ASPRV1: variants seen among roughly 807,000 people sequenced by gnomAD.
ASPRV1 encodes retroviral-like aspartic protease 1.
A neutral mutation model predicts 11.0 loss-of-function variants in ASPRV1; 7 were observed. The observed-to-expected ratio is 0.64, with a 90% confidence interval of 0.36 to 1.20. The LOEUF is 1.20. Ranked by LOEUF, ASPRV1 falls within the 50% of genes most tolerant of loss-of-function variation. The probability of loss-of-function intolerance (pLI) is 0.02; values close to 1 mark genes in which losing one functional copy is unlikely to be tolerated. For missense variants in ASPRV1, 299 were observed against 320.0 expected, an observed-to-expected ratio of 0.93 and a Z score of 0.50; for synonymous variants, 136 against 138.4, an observed-to-expected ratio of 0.98 and a Z score of 0.12.
the ASPRV1 span, among the ~76,000 whole-genome samples, chr2:70,027,877 G>A: frequency 6.6e-6 from 1 of 152,158 alleles, no homozygotes; most frequent in South Asian, 2.1e-4. Context: ...TTGAGGTGAT[G>A]GATATGCTAA....
chr2:70,050,151 G>C, the ASPRV1 span: 1 of 152,104 alleles, frequency 6.6e-6, no homozygotes, highest in Non-Finnish European at 1.5e-5. Flanking sequence ...ATGGTGGCGA[G>C]TGCCTGTAGT....
the ASPRV1 span, among the ~76,000 whole-genome samples, chr2:70,008,413 A>C: frequency 3.9e-5 from 6 of 152,056 alleles, no homozygotes; most frequent in Non-Finnish European, 8.8e-5. Flanking sequence ...ATTCTCCAGA[A>C]TATTCAGAAG....
chr2:69,989,882 T>C, the ASPRV1 span, among the ~76,000 whole-genome samples: 1 of 152,264 alleles, frequency 6.6e-6, no homozygotes, highest in South Asian at 2.1e-4. Context: ...CAGGGTTCAG[T>C]AACTGCATGT....
chr2:70,044,129 T>A, the ASPRV1 span, among the ~76,000 whole-genome samples: 3 of 152,178 alleles, frequency 2.0e-5, no homozygotes, highest in South Asian at 4.1e-4. Flanking sequence ...CATTCATACT[T>A]CCAGTTAACA....
chr2:69,991,243 C>T, the ASPRV1 span, among the ~76,000 whole-genome samples: 58 of 152,268 alleles, frequency 3.8e-4, no homozygotes, highest in Non-Finnish European at 6.8e-4. Flanking sequence ...AGAAAGGCTG[C>T]GGCCCTCCCT....
At chr2:70,072,794 G>A in the ASPRV1 span, among the ~76,000 whole-genome samples, 3 of 151,264 alleles carry the variant, frequency 2.0e-5, no homozygotes, top group African/African-American at 4.9e-5. Context: ...GCTCATGCCT[G>A]TAATCCCAGC....
At chr2:70,003,943 G>A in the ASPRV1 span, among the ~76,000 whole-genome samples, 9 of 152,182 alleles carry the variant, frequency 5.9e-5, no homozygotes, top group South Asian at 2.1e-4. Flanking sequence ...AAAGCCCCTC[G>A]ATCTTGGACT....
the ASPRV1 span, chr2:70,012,271 C>A: frequency 6.6e-6 from 1 of 151,996 alleles, no homozygotes; most frequent in Non-Finnish European, 1.5e-5. Flanking sequence ...GCTCCTGCCT[C>A]AGCCTCCCGA....
chr2:69,961,457 C>T lies in ASPRV1; in HGVS notation c.-21G>A. The T allele has an allele frequency of 6.2e-7, 1 of 1,614,142 alleles. No individual in the cohort carries two copies. The stretch of plus-strand genomic sequence containing the variant: ...GCCATCCTGCTGCTCTCCTCTGGAA[C>T]CTCAGCAGCAACCCACGCCAAGAAG... On this transcript the variant is annotated 5_prime_UTR_variant, in exon 1 of 1. Transcript: ENST00000320256.
At chr2:70,005,217 ACT>A in the ASPRV1 span, among the ~76,000 whole-genome samples, 5 of 151,936 alleles carry the variant, frequency 3.3e-5, no homozygotes, top group Admixed American at 6.6e-5. Context: ...AAGCTACTAT[ACT>A]CTGCTAATTT....
chr2:69,964,688 C>A (rs1678276069), upstream of ASPRV1: 1 of 191,388 alleles, frequency 5.2e-6, no homozygotes, highest in Non-Finnish European at 1.1e-5. Context: ...TGGGTGTACC[C>A]TGAAGCAAGC....
At chr2:69,996,088 T>C in the ASPRV1 span, among the ~76,000 whole-genome samples, 1 of 151,670 alleles carries the variant, frequency 6.6e-6, no homozygotes, top group Non-Finnish European at 1.5e-5. Context: ...CAGTTTAAAT[T>C]ACAATTTTAA....
chr2:69,962,533 T>C (rs774805189), upstream of ASPRV1: 1 of 152,344 alleles, frequency 6.6e-6, no homozygotes, highest in East Asian at 1.9e-4. Flanking sequence ...GTGATGCCAG[T>C]GGTGAGGACC....
chr2:69,986,892 G>A, the ASPRV1 span, among the ~76,000 whole-genome samples: 15 of 152,316 alleles, frequency 9.8e-5, no homozygotes, highest in East Asian at 3.9e-4. Flanking sequence ...CTGAAGAGGC[G>A]TCCTGTCGCA....
the ASPRV1 span, chr2:70,015,573 A>T: frequency 6.6e-6 from 1 of 152,226 alleles, no homozygotes; most frequent in Admixed American, 6.5e-5. Flanking sequence ...TCCCACACCA[A>T]GGGACAACTG....
At chr2:69,977,172 T>TA in the ASPRV1 span, among the ~76,000 whole-genome samples, 34,528 of 149,700 alleles carry the variant, frequency 0.23, 4,347 homozygotes, top group Non-Finnish European at 0.26. Context: ...TGAGACTCTG[T>TA]AAAAAAAAAT....
the ASPRV1 span, among the ~76,000 whole-genome samples, chr2:70,070,970 A>C: frequency 6.6e-6 from 1 of 152,086 alleles, no homozygotes; most frequent in African/African-American, 2.4e-5. Context: ...CCTGTACACC[A>C]CAGTCCCTGG....
chr2:69,932,786 A>T, the ASPRV1 span, among the ~76,000 whole-genome samples: 1 of 152,146 alleles, frequency 6.6e-6, no homozygotes, highest in Non-Finnish European at 1.5e-5. Flanking sequence ...AAATTCACAC[A>T]CTCATATCTG....
Position 69,961,174 on chromosome 2 carries a change from A to G in ASPRV1, c.263T>C (p.Phe88Ser). ...GCTGGGGGCAGCCCCAGGGACCCCAAAGGCCTTCAGGAGGGCCTCTTTCAC... is the reference window on the plus strand; with the variant it reads ...GCTGGGGGCAGCCCCAGGGACCCCAGAGGCCTTCAGGAGGGCCTCTTTCAC... ...GTVKEALLKA[F>S]GVPGAAPSHL... The change falls in exon 1 of 1, where the codon TTT becomes TCT. Residue 88 changes from phenylalanine (F) to serine (S), a missense_variant. Coordinates refer to ENST00000320256, the MANE Select transcript of ASPRV1 (RefSeq NM_152792.4). 1.9e-6 allele frequency: 3 copies of G among 1,613,770 alleles called. No individual in the cohort carries two copies. Among genetic ancestry groups the G allele is most frequent in the Middle Eastern group, 1.6e-4 (1 of 6,062 alleles).
Sources: allele counts gnomAD v4.1 joint callset (sites outside exome capture counted in the v4.1 genomes callset), GRCh38; gene constraint gnomAD v4.1.1; transcripts MANE v1.5; gene names NCBI Gene and HGNC (gene_info 2026-07-23, HGNC 2026-07-21).